Variants in MECOM observed in about 807,000 individuals in gnomAD.
MECOM encodes the protein histone-lysine N-methyltransferase MECOM.
Under a neutral mutation model 116.3 loss-of-function variants are expected in MECOM, and 13 were observed. The observed-to-expected ratio is 0.11, with a 90% CI of 0.07 to 0.18. The LOEUF is 0.18. Among genes scored for constraint, MECOM ranks in the 10% least tolerant of loss-of-function variants. MECOM has a pLI of 1.00. For synonymous variants in MECOM, 528 were observed against 535.2 expected, an observed-to-expected ratio of 0.99 and a Z score of 0.19; for missense variants, 1,299 against 1,509.0, an observed-to-expected ratio of 0.86 and a Z score of 2.31.
chr3:169,299,143 C>T (rs1446742400), intron 2 of MECOM, among the ~76,000 whole-genome samples: 2 of 152,080 alleles, frequency 1.3e-5, no homozygotes, highest in Non-Finnish European at 2.9e-5. Flanking sequence ...CTAGTTCTCA[C>T]TAGGAATTGC....
chr3:169,286,873 T>A (rs1017487562), intron 2 of MECOM, among the ~76,000 whole-genome samples: 2 of 152,118 alleles, frequency 1.3e-5, no homozygotes, highest in Admixed American at 6.6e-5. Flanking sequence ...GCCTCCCTTA[T>A]TCTGATCTCA....
intron 1 of MECOM, among the ~76,000 whole-genome samples, chr3:169,391,205 G>A (rs1683870492): frequency 6.6e-6 from 1 of 152,186 alleles, no homozygotes; most frequent in African/African-American, 2.4e-5. Flanking sequence ...ATAAGAAGCA[G>A]AGAGTGCCCA....
At chr3:169,653,279 A>G (rs1483100111) in intron 1 of MECOM, among the ~76,000 whole-genome samples, 6 of 152,232 alleles carry the variant, frequency 3.9e-5, no homozygotes, top group Admixed American at 3.9e-4. Context: ...ACCTAATCAT[A>G]TTGATATCTG....
chr3:169,643,000 C>G (rs1773692850), intron 1 of MECOM, among the ~76,000 whole-genome samples: 1 of 152,122 alleles, frequency 6.6e-6, no homozygotes, highest in South Asian at 2.1e-4. Context: ...GGAATATCCC[C>G]AATCACAAAA....
chr3:169,252,661 C>A (rs1409327362), intron 2 of MECOM, among the ~76,000 whole-genome samples: 1 of 152,092 alleles, frequency 6.6e-6, no homozygotes, highest in Non-Finnish European at 1.5e-5. Context: ...ATCTGACACA[C>A]CAAACCTGTT....
At chr3:169,315,454 C>T (rs1458641633) in intron 2 of MECOM, among the ~76,000 whole-genome samples, 1 of 152,136 alleles carries the variant, frequency 6.6e-6, no homozygotes, top group Non-Finnish European at 1.5e-5. Context: ...GATGTTTGGC[C>T]TCCTTCTTTA....
chr3:169,659,319 A>C (rs1211856906), intron 1 of MECOM, among the ~76,000 whole-genome samples: 1 of 152,052 alleles, frequency 6.6e-6, no homozygotes, highest in Non-Finnish European at 1.5e-5. Flanking sequence ...AGTCCCTACA[A>C]ATAAAAAAAG....
intron 2 of MECOM, among the ~76,000 whole-genome samples, chr3:169,359,988 G>A (rs896043597): frequency 2.6e-5 from 4 of 151,634 alleles, no homozygotes; most frequent in African/African-American, 9.7e-5. Context: ...GAATTGAAAG[G>A]AGTTAACTAC....
chr3:169,604,728 A>C lies in MECOM; in HGVS notation c.37+58608T>G, dbSNP rs532731775. 3.1e-4 allele frequency among the ~76,000 whole-genome samples: 47 copies of C among 152,324 alleles called. No homozygotes were observed. The South Asian group carries it at 9.5e-3, about 31-fold the overall frequency. On this transcript the variant is annotated intron_variant, in intron 1 of 16. Transcript: ENST00000651503. ...TCTGAAAGGGCCCCAAAACATCTTAAGAAACTCAAGAGGGACTTGCAGGGC... is the reference window on the plus strand; with the variant it reads ...TCTGAAAGGGCCCCAAAACATCTTACGAAACTCAAGAGGGACTTGCAGGGC...
intron 1 of MECOM, chr3:169,566,046 C>T (rs1229835833): frequency 4.9e-6 from 2 of 408,862 alleles, no homozygotes; most frequent in Admixed American, 5.5e-5. Context: ...ACCTTCTTCA[C>T]ATGGAGGCAG....
At chr3:169,181,674 A>G (rs1745983903) in intron 2 of MECOM, among the ~76,000 whole-genome samples, 1 of 152,210 alleles carries the variant, frequency 6.6e-6, no homozygotes, top group African/African-American at 2.4e-5. Context: ...GATGTGTCAT[A>G]GAAATAGGGT....
At chr3:169,401,970 ACT>A (rs1173786170) in intron 1 of MECOM, among the ~76,000 whole-genome samples, 1 of 152,152 alleles carries the variant, frequency 6.6e-6, no homozygotes, top group Non-Finnish European at 1.5e-5. Context: ...TAGCATGATC[ACT>A]CTGATTCAAA....
chr3:169,087,681 C>T (rs1165735082), intron 16 of MECOM, among the ~76,000 whole-genome samples: 1 of 140,192 alleles, frequency 7.1e-6, no homozygotes, highest in Non-Finnish European at 1.5e-5. Flanking sequence ...AATGGGAAAT[C>T]AAGGGTTAAA....
chr3:169,441,818 C>A (rs1743769307), intron 1 of MECOM, among the ~76,000 whole-genome samples: 1 of 150,822 alleles, frequency 6.6e-6, no homozygotes, highest in Non-Finnish European at 1.5e-5. Context: ...GCAACCTCCA[C>A]CTCTCGGGAT....
chr3:169,471,861 T>C (rs1309459744), intron 1 of MECOM, among the ~76,000 whole-genome samples: 1 of 152,238 alleles, frequency 6.6e-6, no homozygotes, highest in East Asian at 1.9e-4. Context: ...TACTATTCTA[T>C]TTATGCCCAC....
intron 1 of MECOM, among the ~76,000 whole-genome samples, chr3:169,430,183 G>A (rs1741381280): frequency 1.3e-5 from 2 of 152,034 alleles, no homozygotes; most frequent in African/African-American, 2.4e-5. Flanking sequence ...ATGGCCTCTG[G>A]CAGAAAATGT....
intron 1 of MECOM, among the ~76,000 whole-genome samples, chr3:169,385,594 A>C (rs901469724): frequency 3.3e-5 from 5 of 152,206 alleles, no homozygotes; most frequent in African/African-American, 1.2e-4. Context: ...GAAATTTTCA[A>C]CAGCAAATGC....
At chr3:169,618,723 C>T (rs1770324016) in intron 1 of MECOM, among the ~76,000 whole-genome samples, 1 of 152,140 alleles carries the variant, frequency 6.6e-6, no homozygotes, top group African/African-American at 2.4e-5. Context: ...CGATAAATTT[C>T]ACCATGGCTT....
At chr3:169,485,936 TATATGTATGTATATATGTAC>T (rs1560340319) in intron 1 of MECOM, among the ~76,000 whole-genome samples, 46 of 69,686 alleles carry the variant, frequency 6.6e-4, no homozygotes, top group South Asian at 1.4e-3. Flanking sequence ...ATATATAGTA[TATATGTATGTATATATGTAC>T]ATATATACTA....
Sources: gnomAD v4.1 joint callset for allele counts (sites outside exome capture counted in the v4.1 genomes callset) on GRCh38, gnomAD v4.1.1 for gene constraint, MANE v1.5 for transcripts, NCBI Gene and HGNC (gene_info 2026-07-23, HGNC 2026-07-21) for gene names.